Variants in RAB38 observed in about 807,000 individuals in gnomAD.
The protein encoded by RAB38 is RAB38, member RAS oncogene family.
Under a neutral mutation model 18.4 loss-of-function variants are expected in RAB38, and 15 were observed. The observed-to-expected ratio is 0.82, with a 90% CI of 0.55 to 1.26. The LOEUF is 1.26. Among genes scored for constraint, RAB38 ranks in the 50% most tolerant of loss-of-function variants. RAB38 has a pLI of 0.00. For missense variants in RAB38, 294 were observed against 267.4 expected (o/e 1.10, Z -0.69); for synonymous variants, 101 against 104.4 (o/e 0.97, Z 0.20).
chr11:88,134,397 T>C (rs1157305346), intron 2 of RAB38, among the ~76,000 whole-genome samples: 1 of 144,024 alleles, frequency 6.9e-6, no homozygotes. Context: ...TCTGCCACCA[T>C]GCCTGGTTAA....
chr11:87,944,226 T>C, the RAB38 span, among the ~76,000 whole-genome samples: 1 of 152,190 alleles, frequency 6.6e-6, no homozygotes, highest in East Asian at 1.9e-4. Flanking sequence ...AAAAGTGGTA[T>C]GCTAGTCCTG....
At chr11:87,939,320 A>G in the RAB38 span, among the ~76,000 whole-genome samples, 1 of 151,946 alleles carries the variant, frequency 6.6e-6, no homozygotes, top group Non-Finnish European at 1.5e-5. Context: ...AATAATCCAA[A>G]AGTATGTGAC....
At chr11:88,170,224 A>G (rs1943293973) in intron 1 of RAB38, among the ~76,000 whole-genome samples, 1 of 152,200 alleles carries the variant, frequency 6.6e-6, no homozygotes, top group Non-Finnish European at 1.5e-5. Context: ...ATAGCATGTT[A>G]TTTTACGTGG....
At chr11:87,831,258 A>C in the RAB38 span, among the ~76,000 whole-genome samples, 1 of 152,152 alleles carries the variant, frequency 6.6e-6, no homozygotes, top group East Asian at 1.9e-4. Flanking sequence ...CTGGAGAGAG[A>C]CAAGATGCAC....
the RAB38 span, among the ~76,000 whole-genome samples, chr11:87,927,942 G>C: frequency 6.6e-6 from 1 of 151,958 alleles, no homozygotes; most frequent in African/African-American, 2.4e-5. Flanking sequence ...GCTAGGTGTG[G>C]TTGTGCAAAC....
At chr11:87,961,060 T>C in the RAB38 span, among the ~76,000 whole-genome samples, 1 of 152,278 alleles carries the variant, frequency 6.6e-6, no homozygotes, top group East Asian at 1.9e-4. Context: ...TTTCAATGTC[T>C]CTTTTCATGC....
At chr11:88,052,110 C>T in the RAB38 span, among the ~76,000 whole-genome samples, 2 of 151,926 alleles carry the variant, frequency 1.3e-5, no homozygotes, top group Non-Finnish European at 2.9e-5. Flanking sequence ...GCAGCAAGAG[C>T]GAAACTCCGC....
At chr11:87,872,312 T>G in the RAB38 span, among the ~76,000 whole-genome samples, 1 of 151,534 alleles carries the variant, frequency 6.6e-6, no homozygotes, top group Non-Finnish European at 1.5e-5. Flanking sequence ...TTAGAGCAAT[T>G]TTAGGTACAC....
chr11:87,833,004 G>A, the RAB38 span, among the ~76,000 whole-genome samples: 2 of 152,042 alleles, frequency 1.3e-5, no homozygotes, highest in African/African-American at 4.8e-5. Flanking sequence ...TCTTTCACAC[G>A]GACTGTTACC....
the RAB38 span, among the ~76,000 whole-genome samples, chr11:88,054,513 A>G: frequency 6.6e-6 from 1 of 152,248 alleles, no homozygotes; most frequent in African/African-American, 2.4e-5. Context: ...TAATGCTGAG[A>G]ACTGTATAGC....
At chr11:88,078,151 A>G in the RAB38 span, among the ~76,000 whole-genome samples, 1 of 152,110 alleles carries the variant, frequency 6.6e-6, no homozygotes, top group Non-Finnish European at 1.5e-5. Flanking sequence ...GCTTTTATCA[A>G]AAAGATGAGA....
the RAB38 span, among the ~76,000 whole-genome samples, chr11:87,883,171 C>A: frequency 6.6e-6 from 1 of 151,884 alleles, no homozygotes; most frequent in Non-Finnish European, 1.5e-5. Flanking sequence ...TGATTTGCAT[C>A]ATCAACTCTA....
chr11:88,118,608 C>T (rs935631215), intron 2 of RAB38, among the ~76,000 whole-genome samples: 4 of 152,152 alleles, frequency 2.6e-5, no homozygotes, highest in South Asian at 4.2e-4. Flanking sequence ...TCTCCAGGGG[C>T]ATCTTTTGCT....
the RAB38 span, among the ~76,000 whole-genome samples, chr11:88,092,670 T>C: frequency 1.3e-5 from 2 of 151,798 alleles, no homozygotes; most frequent in Non-Finnish European, 2.9e-5. Flanking sequence ...ATATGTTATG[T>C]ATATGGGTTT....
intron 2 of RAB38, among the ~76,000 whole-genome samples, chr11:88,117,459 G>GT (rs1245231907): frequency 1.3e-5 from 2 of 152,278 alleles, no homozygotes; most frequent in African/African-American, 4.8e-5. Context: ...AGACAAGCCT[G>GT]TACAGATCCT....
chr11:87,937,352 C>A, the RAB38 span, among the ~76,000 whole-genome samples: 12,097 of 74,080 alleles, frequency 0.16, 895 homozygotes, highest in South Asian at 0.28. Context: ...ATATATATAT[C>A]ATAATTCTAT....
chr11:87,894,396 G>T, the RAB38 span, among the ~76,000 whole-genome samples: 4 of 151,764 alleles, frequency 2.6e-5, no homozygotes, highest in South Asian at 8.3e-4. Flanking sequence ...GGATAATGAT[G>T]ATTGATGAGG....
chr11:88,091,623 C>A, the RAB38 span, among the ~76,000 whole-genome samples: 1 of 151,958 alleles, frequency 6.6e-6, no homozygotes, highest in African/African-American at 2.4e-5. Context: ...GGATCAAGAC[C>A]ATTTTGCTGT....
chr11:88,059,546 T>C, the RAB38 span, among the ~76,000 whole-genome samples: 13 of 152,274 alleles, frequency 8.5e-5, no homozygotes, highest in Non-Finnish European at 1.5e-4. Flanking sequence ...TAGAGGAAAC[T>C]ACTTTGGCTT....
Sources: allele counts gnomAD v4.1 joint callset (sites outside exome capture counted in the v4.1 genomes callset), GRCh38; gene constraint gnomAD v4.1.1; transcripts MANE v1.5; gene names NCBI Gene and HGNC (gene_info 2026-07-23, HGNC 2026-07-21).